LRP6: variants seen among roughly 807,000 people sequenced by gnomAD.
LRP6 encodes the protein LDL receptor related protein 6.
LRP6 carries 43 observed loss-of-function variants against 184.1 expected under a neutral mutation model. That is an observed-to-expected ratio of 0.23 (90% CI 0.18 to 0.30). The LOEUF is 0.30. Ranked by LOEUF, LRP6 falls within the 10% of genes least tolerant of loss-of-function variation. The pLI, the probability that LRP6 is intolerant of heterozygous loss-of-function variation, is 1.00. For missense variants in LRP6, 1,571 were observed against 2,005.3 expected, an observed-to-expected ratio of 0.78 and a Z score of 4.14; for synonymous variants, 719 against 684.9, an observed-to-expected ratio of 1.05 and a Z score of -0.78.
chr12:12,145,994 T>C (rs563239550), intron 15 of LRP6, among the ~76,000 whole-genome samples: 38 of 152,188 alleles, frequency 2.5e-4, no homozygotes, highest in African/African-American at 6.8e-4. Flanking sequence ...GTATATACTA[T>C]ACGGTTTCAA....
At chr12:12,255,094 C>T (rs957811603) in intron 1 of LRP6, among the ~76,000 whole-genome samples, 1 of 152,140 alleles carries the variant, frequency 6.6e-6, no homozygotes, top group African/African-American at 2.4e-5. Flanking sequence ...ACTCTTATTC[C>T]ATTGTCAACA....
intron 2 of LRP6, among the ~76,000 whole-genome samples, chr12:12,229,294 C>T (rs144346373): frequency 1.9e-4 from 28 of 151,166 alleles, no homozygotes; most frequent in African/African-American, 6.1e-4. Context: ...CGCTTGAACC[C>T]GCAAGGCGGA....
Position 12,244,499 on chromosome 12 carries a change from C to G in LRP6, c.212G>C (p.Ser71Thr). 1 of 1,614,220 alleles carries G rather than the reference C, an allele frequency of 6.2e-7. No individual in the cohort carries two copies. Among genetic ancestry groups the G allele is most frequent in the Non-Finnish European group, 8.5e-7 (1 of 1,180,048 alleles). Residue 71 changes from serine (S) to threonine (T), a missense_variant, in exon 2 of 23, where the codon AGC becomes ACC. Ser to Thr is a moderately conservative substitution (Grantham distance 58). Coordinates refer to ENST00000261349, the MANE Select transcript of LRP6 (RefSeq NM_002336.3). ...TTCTGTTCGTTTAATGGCTTCTTCG[C>G]TGACATCACTCCAGTATATCAAGCC... ...SHGLIYWSDV[S>T]EEAIKRTEFN... is the part of the protein sequence containing the mutation.
At chr12:12,137,600 T>C (rs925819368) in intron 16 of LRP6, among the ~76,000 whole-genome samples, 3 of 152,158 alleles carry the variant, frequency 2.0e-5, no homozygotes, top group African/African-American at 4.8e-5. Context: ...GATTAACCCA[T>C]TATAACTATA....
At chr12:12,125,772 C>T (rs916191404) in intron 20 of LRP6, among the ~76,000 whole-genome samples, 2 of 152,010 alleles carry the variant, frequency 1.3e-5, no homozygotes, top group African/African-American at 4.8e-5. Context: ...TGAGGCAGGG[C>T]ATATTAAATA....
At chr12:12,231,768 A>G (rs1864796368) in intron 2 of LRP6, among the ~76,000 whole-genome samples, 1 of 151,838 alleles carries the variant, frequency 6.6e-6, no homozygotes, top group Admixed American at 6.6e-5. Flanking sequence ...TAAGCCCAAC[A>G]CTTTGGGAGG....
In LRP6 at chr12:12,122,908, C is replaced by T. The variant is rs539871236; in HGVS notation, c.4548-1488G>A. 1.2e-3 allele frequency among the ~76,000 whole-genome samples: 183 copies of T among 152,184 alleles called. 1 individual carries two copies. The highest frequency in any genetic ancestry group is 4.1e-3 in the African/African-American group (169 of 41,546). On this transcript the variant is annotated intron_variant, in intron 22 of 22. Transcript: ENST00000261349. ...AGTTATATGACCCACTGAGTGAGTT[C>T]TCAAAGGCTTTTACTATCAATACTG...
intron 12 of LRP6, 30 bp downstream of exon 12, chr12:12,158,799 T>A: frequency 6.2e-7 from 1 of 1,605,586 alleles, no homozygotes; most frequent in Non-Finnish European, 8.5e-7. Flanking sequence ...TCTCTCATTC[T>A]AGCTTGCTTT....
At chr12:12,204,407 G>C (rs1313539321) in intron 2 of LRP6, among the ~76,000 whole-genome samples, 1 of 151,840 alleles carries the variant, frequency 6.6e-6, no homozygotes, top group Non-Finnish European at 1.5e-5. Flanking sequence ...AAAATGCTAT[G>C]ATCACTGGGG....
chr12:12,138,527 G>A lies in LRP6; in HGVS notation c.3405C>T (p.Asn1135=). Residue 1135 remains asparagine, a synonymous_variant, in exon 16 of 23, where the codon AAC becomes AAT. Coordinates refer to ENST00000261349, the MANE Select transcript of LRP6 (RefSeq NM_002336.3). ...RIESSDLSGA[N]RIVLEDSNIL... ...TATTGGAGTCTTCTAATACTATCCG[G>A]TTAGCACCTTGGAAAAGGAGAAAAT... 6.2e-7 allele frequency: 1 copy of A among 1,613,444 alleles called. No individual in the cohort carries two copies.
At chr12:12,177,962 C>T (rs1438271740) in intron 7 of LRP6, among the ~76,000 whole-genome samples, 1 of 151,908 alleles carries the variant, frequency 6.6e-6, no homozygotes, top group Admixed American at 6.6e-5. Context: ...TGGTACCATA[C>T]AGGGAAGAAG....
intron 7 of LRP6, among the ~76,000 whole-genome samples, chr12:12,167,143 T>C (rs1216351237): frequency 6.6e-6 from 1 of 152,166 alleles, no homozygotes; most frequent in Non-Finnish European, 1.5e-5. Flanking sequence ...TTAAAAATCA[T>C]TGTGAGAAAA....
At chr12:12,243,412 C>T (rs997030331) in intron 2 of LRP6, among the ~76,000 whole-genome samples, 1 of 152,108 alleles carries the variant, frequency 6.6e-6, no homozygotes. Context: ...CAAAAAAACA[C>T]TAGTATCACA....
chr12:12,155,370 G>A, intron 12 of LRP6: 1 of 773,076 alleles, frequency 1.3e-6, no homozygotes, highest in South Asian at 1.3e-5. Flanking sequence ...CTGTAAGAAA[G>A]GTGATATTGT....
In LRP6 at chr12:12,246,499, T is replaced by C. The variant is rs568437955; in HGVS notation, c.56-1844A>G. On this transcript the variant is annotated intron_variant, in intron 1 of 22. Transcript: ENST00000261349. The stretch of plus-strand genomic sequence containing the variant: ...TAAGCCCGGGAGTTCAAGACCAGCC[T>C]TGGCAACACATGGAAACCCCATCTC... Among the ~76,000 whole-genome samples, 3 of 151,826 alleles carry C rather than the reference T, an allele frequency of 2.0e-5. No individual in the cohort carries two copies. The South Asian group carries it at 6.3e-4, about 32-fold the overall frequency.
Position 12,165,210 on chromosome 12 carries a change from T to A in LRP6, c.1631A>T (p.Tyr544Phe). The A allele has an allele frequency of 6.2e-7, 1 of 1,614,072 alleles. No homozygotes were observed. Among genetic ancestry groups the A allele is most frequent in the Non-Finnish European group, 8.5e-7 (1 of 1,179,964 alleles). The change falls in exon 8 of 23, where the codon TAT becomes TTT. Residue 544 changes from tyrosine to phenylalanine, a missense_variant. Around this residue, in one of 4 missense-constraint regions of LRP6, gnomAD observed 640 missense variants for 851.9 expected, o/e 0.75. Transcript: ENST00000261349. ...HIFGFTLLGD[Y>F]VYWTDWQRRS... ...CCTCTGCCAGTCAGTCCAGTAAACA[T>A]AGTCACCCAACAAAGTAAATCCAAA... is the stretch of plus-strand genomic sequence containing the variant.
intron 2 of LRP6, among the ~76,000 whole-genome samples, chr12:12,225,365 T>C (rs561174870): frequency 3.9e-5 from 6 of 152,172 alleles, no homozygotes; most frequent in East Asian, 3.9e-4. Context: ...GCCCCCACAA[T>C]TGGATAGACA....
rs202124188 is a variant in LRP6 at position 12,147,539 on chromosome 12, T to C, written c.3224A>G (p.Asn1075Ser). 69 of 1,613,956 alleles carry C rather than the reference T, an allele frequency of 4.3e-5. No homozygotes were observed. In the East Asian group the frequency reaches 1.0e-3, roughly 24 times the overall value. The change falls in exon 15 of 23, where the codon AAT becomes AGT. Residue 1075 changes from asparagine to serine, a missense_variant. Physicochemically the swap from Asn to Ser is conservative, Grantham distance 46 (BLOSUM62 1). Coordinates refer to ENST00000261349, the MANE Select transcript of LRP6 (RefSeq NM_002336.3). ...AATTTTAGGAGACCTTTCCTGAAGA[T>C]TGGTAAAATACATATACCTAGAGGG... ...NPEKGYMYFT[N>S]LQERSPKIER...
intron 2 of LRP6, among the ~76,000 whole-genome samples, chr12:12,212,421 T>C (rs904982305): frequency 2.0e-5 from 3 of 152,190 alleles, no homozygotes; most frequent in Non-Finnish European, 4.4e-5. Context: ...TCACATAATA[T>C]TTCTACTGAC....
Sources: allele counts gnomAD v4.1 joint callset (sites outside exome capture counted in the v4.1 genomes callset), GRCh38; gene constraint gnomAD v4.1.1; regional missense constraint gnomAD v4.1.1; transcripts MANE v1.5; gene names NCBI Gene and HGNC (gene_info 2026-07-23, HGNC 2026-07-21).